Variants in TEAD1 observed in about 807,000 individuals in gnomAD.
TEAD1 encodes TEA domain transcription factor 1, also known as transcriptional enhancer factor TEF-1.
A neutral mutation model predicts 54.9 loss-of-function variants in TEAD1; 9 were observed. The observed-to-expected ratio is 0.16, with a 90% CI of 0.10 to 0.29. TEAD1 has a LOEUF of 0.29. TEAD1 is among the 10% of genes least tolerant of loss of function. TEAD1 has a pLI of 1.00. For synonymous variants in TEAD1, 200 were observed against 187.8 expected, an observed-to-expected ratio of 1.07 and a Z score of -0.53; for missense variants, 387 against 535.9, an observed-to-expected ratio of 0.72 and a Z score of 2.74.
chr11:12,897,894 G>C (rs1046540458), intron 9 of TEAD1, among the ~76,000 whole-genome samples: 3 of 152,194 alleles, frequency 2.0e-5, no homozygotes, highest in Admixed American at 2.0e-4. Context: ...GGGGGACAGT[G>C]TGATTAATGT....
chr11:12,737,709 A>G (rs1388630138), intron 2 of TEAD1, among the ~76,000 whole-genome samples: 1 of 152,188 alleles, frequency 6.6e-6, no homozygotes, highest in East Asian at 1.9e-4. Context: ...TGGAGGGAAA[A>G]AAAGAGGAAA....
chr11:12,763,653 G>A (rs968595967), intron 2 of TEAD1, among the ~76,000 whole-genome samples: 6 of 152,178 alleles, frequency 3.9e-5, no homozygotes, highest in African/African-American at 1.4e-4. Context: ...CAGAGTTTCC[G>A]AGTTATGATG....
chr11:12,793,822 G>A (rs144214718), intron 3 of TEAD1, among the ~76,000 whole-genome samples: 1 of 152,178 alleles, frequency 6.6e-6, no homozygotes, highest in Non-Finnish European at 1.5e-5. Context: ...ACTGAGTGCT[G>A]ACTGTCCAGA....
At chr11:12,816,413 C>T (rs1039844484) in intron 3 of TEAD1, among the ~76,000 whole-genome samples, 1 of 152,218 alleles carries the variant, frequency 6.6e-6, no homozygotes, top group Non-Finnish European at 1.5e-5. Context: ...CCCTTTTCTT[C>T]TGCACGCTCT....
chr11:12,698,289 C>T (rs1943629191), intron 2 of TEAD1, among the ~76,000 whole-genome samples: 2 of 151,906 alleles, frequency 1.3e-5, no homozygotes, highest in South Asian at 2.1e-4. Context: ...TTCCTTGCTG[C>T]GCTCTCTCTT....
In TEAD1 at chr11:12,787,391, G is replaced by T. The variant is rs552426063; in HGVS notation, c.202+22957G>T. The stretch of plus-strand genomic sequence containing the variant: ...CATTGTATGATGCGCCTGGTTTAAG[G>T]GACAGTTCCCTAATGGTTCCTATTA... On this transcript the variant is annotated intron_variant, in intron 3 of 12. Transcript: ENST00000527636. Among the ~76,000 whole-genome samples the T allele has an allele frequency of 4.1e-4, 62 of 152,280 alleles. 2 individuals carry two copies. The highest frequency in any genetic ancestry group is 1.4e-3 in the African/African-American group (59 of 41,556).
At chr11:12,920,557 C>CA (rs1948786437) in intron 10 of TEAD1, among the ~76,000 whole-genome samples, 1 of 152,136 alleles carries the variant, frequency 6.6e-6, no homozygotes, top group Admixed American at 6.5e-5. Flanking sequence ...AGGCTGGTCT[C>CA]AAACTCCTGG....
intron 10 of TEAD1, among the ~76,000 whole-genome samples, chr11:12,910,520 A>G (rs750117734): frequency 2.6e-5 from 4 of 152,220 alleles, no homozygotes; most frequent in Non-Finnish European, 5.9e-5. Flanking sequence ...AAGCAATATG[A>G]AAGTGAAATC....
intron 2 of TEAD1, among the ~76,000 whole-genome samples, chr11:12,744,961 G>A (rs1944717377): frequency 6.6e-6 from 1 of 152,150 alleles, no homozygotes; most frequent in South Asian, 2.1e-4. Context: ...CCCTCCCTGA[G>A]CTGTGCTCTG....
At position 12,736,168 on chromosome 11, in the gene TEAD1, C is replaced by A. The variant is rs375913653; in HGVS notation, c.-54-28011C>A. Among the ~76,000 whole-genome samples, 5 of 152,266 alleles carry A rather than the reference C, an allele frequency of 3.3e-5. No homozygotes were observed. In the Middle Eastern group the frequency reaches 0.014, roughly 414 times the overall value. ...CTTGGATTCCTCTCTGTGAATCTGC[C>A]CATAATGTCCTGAAATTCCAAATGG... On this transcript the variant is annotated intron_variant, in intron 2 of 12. Transcript: ENST00000527636.
At chr11:12,886,753 C>G (rs1239316195) in intron 9 of TEAD1, among the ~76,000 whole-genome samples, 1 of 151,944 alleles carries the variant, frequency 6.6e-6, no homozygotes, top group Non-Finnish European at 1.5e-5. Flanking sequence ...GTCTCAGGCT[C>G]CTGAGTAGCT....
At chr11:12,864,162 C>G (rs897751485) in intron 4 of TEAD1, among the ~76,000 whole-genome samples, 1 of 151,892 alleles carries the variant, frequency 6.6e-6, no homozygotes, top group Non-Finnish European at 1.5e-5. Flanking sequence ...ACGTTTGCTA[C>G]AGAATCCAGA....
At chr11:12,730,989 A>C (rs1489461393) in intron 2 of TEAD1, among the ~76,000 whole-genome samples, 1 of 152,098 alleles carries the variant, frequency 6.6e-6, no homozygotes, top group Non-Finnish European at 1.5e-5. Flanking sequence ...GGCATGAGCT[A>C]CCATGCCCGG....
chr11:12,719,576 G>C (rs896499187), intron 2 of TEAD1, among the ~76,000 whole-genome samples: 1 of 148,614 alleles, frequency 6.7e-6, no homozygotes, highest in Non-Finnish European at 1.5e-5. Flanking sequence ...CTTTTTTTTG[G>C]GGGGAGGGGG....
At chr11:12,847,870 G>A (rs1416796512) in intron 3 of TEAD1, among the ~76,000 whole-genome samples, 1 of 152,144 alleles carries the variant, frequency 6.6e-6, no homozygotes, top group Non-Finnish European at 1.5e-5. Context: ...CTGAATCTAA[G>A]CTCAACTGAG....
chr11:12,799,535 A>G (rs2133973624), intron 3 of TEAD1, among the ~76,000 whole-genome samples: 1 of 152,362 alleles, frequency 6.6e-6, no homozygotes, highest in South Asian at 2.1e-4. Context: ...ACCCACTAAA[A>G]ATAAATCTCC....
At chr11:12,803,939 G>A (rs753031911) in intron 3 of TEAD1, among the ~76,000 whole-genome samples, 4 of 152,342 alleles carry the variant, frequency 2.6e-5, no homozygotes, top group Admixed American at 2.6e-4. Flanking sequence ...TAGGCGGTAC[G>A]TATCACAGAT....
chr11:12,840,246 C>CAAAAAAAA (rs1176865272), intron 3 of TEAD1, among the ~76,000 whole-genome samples: 1,673 of 31,154 alleles, frequency 0.054, 136 homozygotes, highest in Non-Finnish European at 0.073. Flanking sequence ...GACTCTGCCT[C>CAAAAAAAA]AAAAAAAAAA....
chr11:12,768,822 G>T (rs1945258899), intron 3 of TEAD1, among the ~76,000 whole-genome samples: 1 of 152,206 alleles, frequency 6.6e-6, no homozygotes, highest in Non-Finnish European at 1.5e-5. Flanking sequence ...GGTCAGGACT[G>T]TGTGCCAAAG....
Sources: gnomAD v4.1 joint callset for allele counts (sites outside exome capture counted in the v4.1 genomes callset) on GRCh38, gnomAD v4.1.1 for gene constraint, MANE v1.5 for transcripts, NCBI Gene and HGNC (gene_info 2026-07-23, HGNC 2026-07-21) for gene names.